EPS15L1: variants seen among roughly 807,000 people sequenced by gnomAD.
The protein encoded by EPS15L1 is epidermal growth factor receptor pathway substrate 15 like 1.
Under a neutral mutation model 117.1 loss-of-function variants are expected in EPS15L1, and 43 were observed. The observed-to-expected ratio is 0.37, with a 90% CI of 0.29 to 0.47. The LOEUF is 0.47. Among genes scored for constraint, EPS15L1 ranks in the 20% least tolerant of loss-of-function variants. The pLI, the probability that EPS15L1 is intolerant of heterozygous loss-of-function variation, is 0.99. For synonymous variants in EPS15L1, 459 were observed against 470.5 expected, an observed-to-expected ratio of 0.98 and a Z score of 0.32; for missense variants, 981 against 1,164.0, an observed-to-expected ratio of 0.84 and a Z score of 2.29.
intron 22 of EPS15L1, among the ~76,000 whole-genome samples, chr19:16,364,590 GGGCCACTCCT>G (rs1299467326): frequency 2.0e-5 from 3 of 152,214 alleles, no homozygotes; most frequent in Non-Finnish European, 4.4e-5. Context: ...CTCCCATGCA[GGGCCACTCCT>G]GGTCCCAGGC....
chr19:16,450,479 T>C (rs77654591), intron 1 of EPS15L1, among the ~76,000 whole-genome samples: 1 of 142,668 alleles, frequency 7.0e-6, no homozygotes, highest in African/African-American at 2.6e-5. Context: ...TCCATCTTCT[T>C]TTTTTTTTTT....
At chr19:16,420,763 G>A (rs982570092) in intron 10 of EPS15L1, among the ~76,000 whole-genome samples, 1 of 152,230 alleles carries the variant, frequency 6.6e-6, no homozygotes, top group Non-Finnish European at 1.5e-5. Flanking sequence ...GAGTGCCCCA[G>A]CCCTATGAAG....
intron 22 of EPS15L1, among the ~76,000 whole-genome samples, chr19:16,374,892 C>A (rs1439345479): frequency 6.6e-6 from 1 of 152,248 alleles, no homozygotes; most frequent in Non-Finnish European, 1.5e-5. Flanking sequence ...CGTTTGCATG[C>A]ATGCATTATG....
At chr19:16,393,124 T>TAATAATAAA (rs1042482086) in intron 18 of EPS15L1, among the ~76,000 whole-genome samples, 6 of 125,722 alleles carry the variant, frequency 4.8e-5, no homozygotes, top group African/African-American at 1.7e-4. Context: ...ATAATAATAA[T>TAATAATAAA]AAACAACGCA....
chr19:16,380,982 A>T (rs1212854971), intron 21 of EPS15L1, among the ~76,000 whole-genome samples: 1 of 152,218 alleles, frequency 6.6e-6, no homozygotes, highest in Non-Finnish European at 1.5e-5. Flanking sequence ...TCAGAGACAG[A>T]ACAGGGAGGT....
chr19:16,444,185 A>AG (rs1375287340), intron 1 of EPS15L1, among the ~76,000 whole-genome samples: 27 of 151,390 alleles, frequency 1.8e-4, no homozygotes, highest in Admixed American at 1.7e-3. Flanking sequence ...AAAAAAAAAA[A>AG]GAGGAAAAGA....
intron 1 of EPS15L1, among the ~76,000 whole-genome samples, chr19:16,462,614 G>T (rs1323876102): frequency 6.6e-6 from 1 of 152,180 alleles, no homozygotes; most frequent in East Asian, 1.9e-4. Flanking sequence ...GCTGCAGTGA[G>T]CCAAGATCAT....
At chr19:16,456,959 G>C (rs2093203359) in intron 1 of EPS15L1, among the ~76,000 whole-genome samples, 2 of 152,086 alleles carry the variant, frequency 1.3e-5, no homozygotes, top group South Asian at 4.1e-4. Flanking sequence ...GCAGAACATG[G>C]GGAGGGGGTG....
chr19:16,434,278 T>G, intron 7 of EPS15L1, 87 bp downstream of exon 7: 1 of 1,516,232 alleles, frequency 6.6e-7, no homozygotes, highest in Non-Finnish European at 8.9e-7. Context: ...GCAAGAGCCT[T>G]GTAAGCACCA....
At chr19:16,373,042 C>T (rs1419353970) in intron 22 of EPS15L1, among the ~76,000 whole-genome samples, 1 of 152,230 alleles carries the variant, frequency 6.6e-6, no homozygotes, top group Admixed American at 6.5e-5. Context: ...GAGCATGGGA[C>T]ATCAGACATG....
chr19:16,379,482 G>C (rs956614143), intron 21 of EPS15L1, among the ~76,000 whole-genome samples: 1 of 152,178 alleles, frequency 6.6e-6, no homozygotes, highest in Non-Finnish European at 1.5e-5. Flanking sequence ...GGTTTCCCTC[G>C]AGAATCTGAA....
chr19:16,414,033 T>C (rs2092733086), intron 12 of EPS15L1, among the ~76,000 whole-genome samples, 188 bp from the exon 13 acceptor site: 1 of 152,170 alleles, frequency 6.6e-6, no homozygotes, highest in African/African-American at 2.4e-5. Flanking sequence ...CCTGTGACCA[T>C]GGGAGGGATC....
At chr19:16,408,888 A>T (rs978250990) in intron 13 of EPS15L1, among the ~76,000 whole-genome samples, 2 of 152,164 alleles carry the variant, frequency 1.3e-5, no homozygotes, top group Non-Finnish European at 2.9e-5. Context: ...CTTGACAAGG[A>T]TGCTAGGGCC....
At chr19:16,452,042 G>A (rs1261753984) in intron 1 of EPS15L1, among the ~76,000 whole-genome samples, 1 of 151,756 alleles carries the variant, frequency 6.6e-6, no homozygotes, top group Non-Finnish European at 1.5e-5. Context: ...TGGAGGCTGA[G>A]GCAGGAGAAA....
chr19:16,393,920 A>G, intron 18 of EPS15L1, 31 bp downstream of exon 18: 1 of 1,609,770 alleles, frequency 6.2e-7, no homozygotes, highest in Middle Eastern at 1.7e-4. Context: ...GACACAGTCT[A>G]AAGACCGGTC....
At chr19:16,465,191 C>T (rs2093293179) in intron 1 of EPS15L1, among the ~76,000 whole-genome samples, 1 of 152,134 alleles carries the variant, frequency 6.6e-6, no homozygotes, top group East Asian at 1.9e-4. Context: ...ATGGGTTGGA[C>T]AAGCTTGGCC....
chr19:16,375,171 T>C (rs1218505209), intron 22 of EPS15L1, among the ~76,000 whole-genome samples: 1 of 152,150 alleles, frequency 6.6e-6, no homozygotes, highest in Non-Finnish European at 1.5e-5. Flanking sequence ...GAGGGGTGCA[T>C]GGGAGAGTGC....
intron 20 of EPS15L1, 86 bp downstream of exon 20, chr19:16,386,085 G>A: frequency 9.5e-7 from 1 of 1,049,128 alleles, no homozygotes; most frequent in East Asian, 2.6e-5. Context: ...GGCCACGCTG[G>A]CTTTGGGAGT....
intron 4 of EPS15L1, among the ~76,000 whole-genome samples, chr19:16,440,301 T>C (rs2093018429): frequency 6.6e-6 from 1 of 151,918 alleles, no homozygotes. Flanking sequence ...GGCATGATGG[T>C]TCTCGCCTGT....
Sources: gnomAD v4.1 joint callset for allele counts (sites outside exome capture counted in the v4.1 genomes callset) on GRCh38, gnomAD v4.1.1 for gene constraint, MANE v1.5 for transcripts, NCBI Gene and HGNC (gene_info 2026-07-23, HGNC 2026-07-21) for gene names.